The following SLC71A2 variants were observed in gnomAD, a reference collection of about 807,000 sequenced individuals.
The protein encoded by SLC71A2 is solute carrier family 71 member 2, also known as hippocampus abundant transcript-like 1.
At chr9:94,419,160 C>T in the SLC71A2 span, among the ~76,000 whole-genome samples, 1 of 151,728 alleles carries the variant, frequency 6.6e-6, no homozygotes, top group Non-Finnish European at 1.5e-5. Flanking sequence ...GTTGCCTAGG[C>T]TGAAATACAG....
chr9:94,423,493 C>T, the SLC71A2 span, among the ~76,000 whole-genome samples: 1 of 152,126 alleles, frequency 6.6e-6, no homozygotes, highest in African/African-American at 2.4e-5. Flanking sequence ...TGGTCACCCA[C>T]CACTATGGTT....
At chr9:94,449,928 T>G in the SLC71A2 span, among the ~76,000 whole-genome samples, 6 of 152,232 alleles carry the variant, frequency 3.9e-5, no homozygotes, top group African/African-American at 1.2e-4. Flanking sequence ...TAGGTGAACC[T>G]TGACGACATG....
chr9:94,419,292 T>C, the SLC71A2 span, among the ~76,000 whole-genome samples: 1 of 110,982 alleles, frequency 9.0e-6, no homozygotes, highest in Non-Finnish European at 1.9e-5. Context: ...GCTTCAACTT[T>C]TTTTTCTTTT....
the SLC71A2 span, among the ~76,000 whole-genome samples, chr9:94,417,849 TCCCACCCCACC>T: frequency 3.5e-4 from 18 of 51,630 alleles, 1 homozygote; most frequent in African/African-American, 5.9e-4. Context: ...ATAGGCAAGT[TCCCACCCCACC>T]CCCCCCCCCC....
chr9:94,426,628 G>T, the SLC71A2 span, among the ~76,000 whole-genome samples: 3 of 152,066 alleles, frequency 2.0e-5, no homozygotes, highest in Admixed American at 6.5e-5. Flanking sequence ...ATTACATGTA[G>T]ATATTTCTAA....
At chr9:94,416,441 T>C in the SLC71A2 span, among the ~76,000 whole-genome samples, 1 of 152,220 alleles carries the variant, frequency 6.6e-6, no homozygotes, top group Admixed American at 6.5e-5. Flanking sequence ...ACGGATAATC[T>C]TTGTTCTTAA....
chr9:94,388,640 T>G, the SLC71A2 span, among the ~76,000 whole-genome samples: 2 of 151,962 alleles, frequency 1.3e-5, no homozygotes, highest in Non-Finnish European at 2.9e-5. Context: ...TACACAACTT[T>G]TATCACATTA....
chr9:94,410,410 TTC>T, the SLC71A2 span, among the ~76,000 whole-genome samples: 3 of 151,834 alleles, frequency 2.0e-5, no homozygotes, highest in Non-Finnish European at 2.9e-5. Flanking sequence ...GCCTATTTTT[TTC>T]CCCCCCTAAG....
chr9:94,445,437 G>A, the SLC71A2 span, among the ~76,000 whole-genome samples: 1 of 152,136 alleles, frequency 6.6e-6, no homozygotes, highest in African/African-American at 2.4e-5. Context: ...TGGGAAGAGA[G>A]TTTCTTTTTG....
the SLC71A2 span, chr9:94,458,234 A>G: frequency 2.5e-6 from 3 of 1,184,984 alleles, no homozygotes; most frequent in Non-Finnish European, 3.5e-6. Context: ...GAATTAGTGT[A>G]TCATGGTTAT....
At chr9:94,383,611 C>G in the SLC71A2 span, among the ~76,000 whole-genome samples, 20 of 152,150 alleles carry the variant, frequency 1.3e-4, no homozygotes, top group Non-Finnish European at 2.8e-4. Flanking sequence ...AACAGTCCCC[C>G]AATCTTGTTA....
At chr9:94,408,369 G>T in the SLC71A2 span, among the ~76,000 whole-genome samples, 5 of 152,134 alleles carry the variant, frequency 3.3e-5, no homozygotes, top group African/African-American at 1.2e-4. Context: ...ATCCACTAGG[G>T]ATCTTGGAAT....
At chr9:94,378,332 G>C in the SLC71A2 span, among the ~76,000 whole-genome samples, 8 of 152,052 alleles carry the variant, frequency 5.3e-5, no homozygotes, top group Non-Finnish European at 1.2e-4. Flanking sequence ...CACGTGTTGG[G>C]GAGGGAGCAA....
chr9:94,413,688 A>T, the SLC71A2 span, among the ~76,000 whole-genome samples: 5 of 149,432 alleles, frequency 3.3e-5, no homozygotes, highest in Non-Finnish European at 1.5e-5. Flanking sequence ...GCTAATTAAG[A>T]AACAACCCTT....
chr9:94,403,263 A>C, the SLC71A2 span, among the ~76,000 whole-genome samples: 30,252 of 151,972 alleles, frequency 0.2, 3,247 homozygotes, highest in Middle Eastern at 0.28. Context: ...CAGCCTCTCA[A>C]GTAGCTGGGA....
the SLC71A2 span, among the ~76,000 whole-genome samples, chr9:94,385,716 C>T: frequency 2.0e-5 from 3 of 152,266 alleles, no homozygotes; most frequent in East Asian, 5.8e-4. Flanking sequence ...GTATGTCTAT[C>T]CTTAAGCAAG....
the SLC71A2 span, among the ~76,000 whole-genome samples, chr9:94,430,944 G>T: frequency 6.6e-6 from 1 of 151,956 alleles, no homozygotes; most frequent in Non-Finnish European, 1.5e-5. Flanking sequence ...TGAGTATAGG[G>T]TCTAATTTGT....
At chr9:94,438,471 T>C in the SLC71A2 span, 1 of 1,613,956 alleles carries the variant, frequency 6.2e-7, no homozygotes, top group African/African-American at 1.3e-5. Flanking sequence ...AAGCCCTTTC[T>C]CCTCGGCACT....
At chr9:94,455,169 TTTTTTTTTTTTTGA>T in the SLC71A2 span, among the ~76,000 whole-genome samples, 29 of 100,820 alleles carry the variant, frequency 2.9e-4, no homozygotes, top group South Asian at 1.0e-3. Flanking sequence ...TTTTTTTTTT[TTTTTTTTTTTTTGA>T]GAGAGAGAGG....
Sources: gnomAD v4.1 joint callset for allele counts (sites outside exome capture counted in the v4.1 genomes callset) on GRCh38, gnomAD v4.1.1 for gene constraint, MANE v1.5 for transcripts, NCBI Gene and HGNC (gene_info 2026-07-23, HGNC 2026-07-21) for gene names.